ZBTB49: variants seen among roughly 807,000 people sequenced by gnomAD.
ZBTB49 encodes zinc finger and BTB domain containing 49.
A neutral mutation model predicts 57.5 loss-of-function variants in ZBTB49; 43 were observed. The ratio of observed to expected loss-of-function variants is 0.75; its 90% CI spans 0.59 to 0.97. The LOEUF (loss-of-function observed/expected upper bound fraction) is 0.97. Ranked by LOEUF, ZBTB49 falls within the 50% of genes least tolerant of loss-of-function variation. The pLI, the probability that ZBTB49 is intolerant of heterozygous loss-of-function variation, is 0.00. For synonymous variants in ZBTB49, 369 were observed against 362.1 expected (o/e 1.02, Z -0.22); for missense variants, 938 against 947.7 (o/e 0.99, Z 0.13).
At chr4:4,303,780 C>CTA (rs1434243483) in intron 3 of ZBTB49, among the ~76,000 whole-genome samples, 2 of 67,138 alleles carry the variant, frequency 3.0e-5, no homozygotes, top group African/African-American at 1.1e-4. Context: ...GTCTCTCTCT[C>CTA]TCTCTATATA....
intron 1 of ZBTB49, 32 bp from the exon 2 acceptor site, chr4:4,299,895 A>G (rs377476096): frequency 3.7e-6 from 6 of 1,602,554 alleles, no homozygotes; most frequent in Non-Finnish European, 5.1e-6. Context: ...GTCCTTAAGA[A>G]TATCTGTCGT....
At chr4:4,311,268 T>C (rs1356174596) in intron 4 of ZBTB49, among the ~76,000 whole-genome samples, 1 of 152,224 alleles carries the variant, frequency 6.6e-6, no homozygotes, top group Admixed American at 6.5e-5. Context: ...TAACCCAGAA[T>C]GCATTTCATT....
Position 4,302,985 on chromosome 4 carries a change from A to G in ZBTB49, c.1149A>G (p.Glu383=). 6.2e-7 allele frequency: 1 copy of G among 1,614,222 alleles called. No individual in the cohort carries two copies. The highest frequency in any genetic ancestry group is 8.5e-7 in the Non-Finnish European group (1 of 1,180,036). ...TERPEDPAAL[E]DQSQTLQSQR... Reference sequence around the variant, plus strand: ...GGCCTGAAGACCCGGCTGCCCTGGAAGACCAGTCCCAGACACTTCAGTCCC... The same window carrying G: ...GGCCTGAAGACCCGGCTGCCCTGGAGGACCAGTCCCAGACACTTCAGTCCC... Residue 383 remains glutamate (E), a synonymous_variant, in exon 3 of 8, where the codon GAA becomes GAG. Transcript: ENST00000337872.
chr4:4,306,408 C>T (rs1720738069), intron 4 of ZBTB49, among the ~76,000 whole-genome samples: 1 of 152,036 alleles, frequency 6.6e-6, no homozygotes, highest in Admixed American at 6.5e-5. Context: ...ATACTTTTTT[C>T]GCCTTGCTAA....
rs115137751 is a variant in ZBTB49 at position 4,290,675 on chromosome 4, G to A, written c.-20+323G>A. On this transcript the variant is annotated intron_variant, in intron 1 of 7. Coordinates refer to ENST00000337872, the MANE Select transcript of ZBTB49 (RefSeq NM_145291.4). Reference sequence around the variant, plus strand: ...GCCCTCTCATCTCCAGGCTTTGCCCGCTGGAAGCCAGCCCGGCCCGCCTCC... The same window carrying A: ...GCCCTCTCATCTCCAGGCTTTGCCCACTGGAAGCCAGCCCGGCCCGCCTCC... Among the ~76,000 whole-genome samples the A allele has an allele frequency of 2.9e-3, 443 of 152,360 alleles. 1 individual carries two copies. Among genetic ancestry groups the A allele is most frequent in the African/African-American group, 0.01 (429 of 41,594 alleles).
chr4:4,300,703 C>G, intron 2 of ZBTB49, among the ~76,000 whole-genome samples: 1 of 151,504 alleles, frequency 6.6e-6, no homozygotes, highest in East Asian at 1.9e-4. Context: ...ATCCCTTGAG[C>G]ACAGGAGTTG....
In ZBTB49 at chr4:4,301,971, TA is replaced by T. The variant is rs1231867114; in HGVS notation, c.153-17del. 2 of 1,501,524 alleles carry T rather than the reference TA, an allele frequency of 1.3e-6. No homozygotes were observed. Among genetic ancestry groups the T allele is most frequent in the Admixed American group, 2.3e-5 (1 of 43,034 alleles). The allele number at this position is 1,501,524 out of a possible 1,614,324, so 93.0% of individuals were successfully genotyped here. A position where few individuals can be genotyped will look rare whatever the true frequency, so the allele number is the denominator to read the frequency against. On this transcript the variant is annotated splice_polypyrimidine_tract_variant and intron_variant, in intron 2 of 7. Coordinates refer to ENST00000337872, the MANE Select transcript of ZBTB49 (RefSeq NM_145291.4). The stretch of plus-strand genomic sequence containing the variant: ...GTGAATTTTTGGCACTGTAAACAGA[TA>T]TTCTTTCTTTTACCAGGAGCCTCTT...
chr4:4,321,495 G>A lies in ZBTB49; in HGVS notation c.*179G>A, dbSNP rs559699054. 89 of 720,554 alleles carry A rather than the reference G, an allele frequency of 1.2e-4. No individual in the cohort carries two copies. In the East Asian group the frequency reaches 2.3e-3, roughly 19 times the overall value. The allele number at this position is 720,554 out of a possible 1,614,324, so 44.6% of individuals were successfully genotyped here. ...TTGAGCTGGGGGTGTGAGGGGGAGG[G>A]CCTGCTGGCTCACCGTGAGGCAGCC... On this transcript the variant is annotated 3_prime_UTR_variant, in exon 8 of 8. Transcript: ENST00000337872.
chr4:4,296,440 T>A (rs543003216), intron 1 of ZBTB49, among the ~76,000 whole-genome samples: 1 of 152,164 alleles, frequency 6.6e-6, no homozygotes, highest in Non-Finnish European at 1.5e-5. Flanking sequence ...TGACAGTGAA[T>A]GAGATCTGAT....
intron 2 of ZBTB49, 94 bp downstream of exon 2, chr4:4,300,191 CTA>C: frequency 7.4e-7 from 1 of 1,353,812 alleles, no homozygotes; most frequent in African/African-American, 1.5e-5. Context: ...TTGGATTTCA[CTA>C]TCTTTATCTT....
At chr4:4,294,211 T>TTC (rs748598492) in intron 1 of ZBTB49, among the ~76,000 whole-genome samples, 1 of 152,236 alleles carries the variant, frequency 6.6e-6, no homozygotes, top group Non-Finnish European at 1.5e-5. Flanking sequence ...ACAATTTTTT[T>TTC]TCCAGACCTT....
intron 7 of ZBTB49, among the ~76,000 whole-genome samples, chr4:4,319,312 T>C (rs781389487): frequency 8.5e-5 from 13 of 152,222 alleles, no homozygotes; most frequent in Non-Finnish European, 1.5e-4. Flanking sequence ...TGGAGCTAGA[T>C]AGCTGAGAAT....
chr4:4,307,527 G>A (rs1720790705), intron 4 of ZBTB49, among the ~76,000 whole-genome samples: 1 of 152,164 alleles, frequency 6.6e-6, no homozygotes. Context: ...AGAGTGTGAG[G>A]AGTAAATGAG....
chr4:4,312,945 C>G (rs1336586194), intron 4 of ZBTB49, 96 bp from the exon 5 acceptor site: 3 of 1,316,904 alleles, frequency 2.3e-6, no homozygotes, highest in African/African-American at 1.5e-5. Context: ...TGAATTGGAA[C>G]CTGGCTAAAT....
Position 4,315,687 on chromosome 4 carries a change from A to C in ZBTB49, c.1428A>C (p.Glu476Asp). 4.3e-6 allele frequency: 7 copies of C among 1,614,236 alleles called. No individual in the cohort carries two copies. Among genetic ancestry groups the C allele is most frequent in the Non-Finnish European group, 5.1e-6 (6 of 1,180,042 alleles). The change falls in exon 6 of 8, where the codon GAA becomes GAC. Residue 476 changes from glutamate to aspartate, a missense_variant. Glu to Asp is a conservative substitution (Grantham distance 45). Transcript: ENST00000337872. ...VQRHIIIHSGEKPHLCDICGR... is the reference protein window; with the variant it reads ...VQRHIIIHSGDKPHLCDICGR... ...GTCACATTATTATTCACTCAGGAGA[A>C]AAACCACACTTGTGTGACATCTGTG...
chr4:4,297,289 C>T (rs1378210279), intron 1 of ZBTB49, among the ~76,000 whole-genome samples: 2 of 152,114 alleles, frequency 1.3e-5, no homozygotes, highest in African/African-American at 2.4e-5. Context: ...AGGCTGGTCT[C>T]GAACTCCTGA....
rs767364106 is a variant in ZBTB49 at position 4,315,946 on chromosome 4, C to T, written c.1597C>T (p.Arg533Trp). 12 of 1,613,868 alleles carry T rather than the reference C, an allele frequency of 7.4e-6. No individual in the cohort carries two copies. The highest frequency in any genetic ancestry group is 6.7e-5 in the Admixed American group (4 of 59,988). ...GCACAGAATTCGGCACACGGGGGAG[C>T]GGCCTTACAGCTGCTCTGCCTGCGG... ...VKHRIRHTGE[R>W]PYSCSACGKC... The change falls in exon 7 of 8, where the codon CGG (arginine) becomes TGG (tryptophan). Residue 533 changes from arginine to tryptophan, a missense_variant. Arg to Trp is a moderately radical substitution (Grantham distance 101). This residue lies in a region of ZBTB49 where 835 missense variants were observed against 819.1 expected (regional missense o/e 1.02). Transcript: ENST00000337872.
chr4:4,313,015 G>A, intron 4 of ZBTB49, 26 bp from the exon 5 acceptor site: 1 of 1,612,330 alleles, frequency 6.2e-7, no homozygotes, highest in Non-Finnish European at 8.5e-7. Context: ...CATTATTGGT[G>A]TGTTTTTCTT....
At position 4,302,337 on chromosome 4, in the gene ZBTB49, C is replaced by A. The variant is rs1421198618; in HGVS notation, c.501C>A (p.Asn167Lys). ...LQECSADAQQ[N>K]KTLDESHPHA... Reference sequence around the variant, plus strand: ...AATGTTCAGCAGATGCACAGCAGAACAAAACGTTGGATGAATCGCATCCGC... The same window carrying A: ...AATGTTCAGCAGATGCACAGCAGAAAAAAACGTTGGATGAATCGCATCCGC... The change falls in exon 3 of 8, where the codon AAC (asparagine) becomes AAA (lysine). Residue 167 changes from asparagine to lysine, a missense_variant. Transcript: ENST00000337872. 1 of 1,614,238 alleles carries A rather than the reference C, an allele frequency of 6.2e-7. No homozygotes were observed. The highest frequency in any genetic ancestry group is 8.5e-7 in the Non-Finnish European group (1 of 1,180,040).
Sources: allele counts gnomAD v4.1 joint callset (sites outside exome capture counted in the v4.1 genomes callset), GRCh38; gene constraint gnomAD v4.1.1; regional missense constraint gnomAD v4.1.1; transcripts MANE v1.5; gene names NCBI Gene and HGNC (gene_info 2026-07-23, HGNC 2026-07-21).